Variants in MIER3 observed in about 807,000 individuals in gnomAD.
MIER3 encodes the protein mesoderm induction early response protein 3.
In MIER3, 9 loss-of-function variants were observed where a neutral mutation model predicts 63.2. The observed-to-expected ratio is 0.14, with a 90% confidence interval of 0.09 to 0.25. MIER3 has a LOEUF of 0.25. Ranked by LOEUF, MIER3 falls within the 10% of genes least tolerant of loss-of-function variation. The pLI is 1.00. For synonymous variants in MIER3, 205 were observed against 224.9 expected (o/e 0.91, Z 0.79); for missense variants, 512 against 666.2 (o/e 0.77, Z 2.55).
chr5:56,947,113 C>G (rs771828145), intron 2 of MIER3, 42 bp from the exon 3 acceptor site: 1 of 1,557,360 alleles, frequency 6.4e-7, no homozygotes, highest in South Asian at 1.3e-5. Flanking sequence ...ATTTACAAGG[C>G]TATTAACAAA....
chr5:56,950,177 C>T (rs1750969471), intron 2 of MIER3, among the ~76,000 whole-genome samples: 1 of 152,130 alleles, frequency 6.6e-6, no homozygotes, highest in Non-Finnish European at 1.5e-5. Flanking sequence ...TTTAACACAA[C>T]TCATAGACAT....
chr5:56,920,492 T>C lies in MIER3; in HGVS notation c.*2636A>G, dbSNP rs955464281. ...ATTTATCACAGTTTGTTATAAGAAT[T>C]GTGCTTAACACTTGATAATAAAGGC... On this transcript the variant is annotated 3_prime_UTR_variant, in exon 13 of 13. Coordinates refer to ENST00000381199, the MANE Select transcript of MIER3 (RefSeq NM_001297599.2). 1 of 152,692 alleles carries C rather than the reference T, an allele frequency of 6.5e-6. No individual in the cohort carries two copies. 9.5% of individuals were successfully genotyped at this position (152,692 alleles called of 1,614,324 possible).
intron 8 of MIER3, 84 bp downstream of exon 8, chr5:56,933,163 C>T: frequency 7.4e-7 from 1 of 1,348,668 alleles, no homozygotes; most frequent in East Asian, 2.6e-5. Flanking sequence ...ATCTACCTCA[C>T]ATGTTAAAAA....
chr5:56,941,055 T>C, intron 3 of MIER3: 1 of 985,424 alleles, frequency 1.0e-6, no homozygotes, highest in South Asian at 4.7e-5. Context: ...AGTGCTTGGC[T>C]GAGGGCTACT....
chr5:56,947,790 T>C lies in MIER3; in HGVS notation c.35-719A>G, dbSNP rs986884183. Among the ~76,000 whole-genome samples, 23 of 152,332 alleles carry C rather than the reference T, an allele frequency of 1.5e-4. No homozygotes were observed. The East Asian group carries it at 3.1e-3, about 20-fold the overall frequency. On this transcript the variant is annotated intron_variant, in intron 2 of 12. Coordinates refer to ENST00000381199, the MANE Select transcript of MIER3 (RefSeq NM_001297599.2). ...TCACATCTGAAGGTTTTGGAAGATA[T>C]ATCCATTGCAAGTTGTTTTGGATAA...
chr5:56,944,895 C>T (rs976673121), intron 3 of MIER3, among the ~76,000 whole-genome samples: 2 of 145,042 alleles, frequency 1.4e-5, no homozygotes, highest in African/African-American at 2.6e-5. Flanking sequence ...CAGGGTCTCA[C>T]TATGTGGCCC....
intron 8 of MIER3, among the ~76,000 whole-genome samples, chr5:56,931,641 A>G (rs920933588): frequency 4.6e-5 from 7 of 152,222 alleles, no homozygotes; most frequent in African/African-American, 1.7e-4. Context: ...AGTAGAACCA[A>G]GGATCAGTAT....
At chr5:56,947,353 G>A (rs536701989) in intron 2 of MIER3, among the ~76,000 whole-genome samples, 20 of 152,170 alleles carry the variant, frequency 1.3e-4, no homozygotes, top group African/African-American at 4.8e-4. Flanking sequence ...TAAGCAGCAT[G>A]GTTTTAAAGA....
chr5:56,924,885 T>C (rs1022092523), intron 10 of MIER3, among the ~76,000 whole-genome samples: 1 of 152,234 alleles, frequency 6.6e-6, no homozygotes, highest in African/African-American at 2.4e-5. Context: ...AGATTACTAA[T>C]ATGGGAATAA....
intron 9 of MIER3, 44 bp from the exon 10 acceptor site, chr5:56,928,905 C>A: frequency 7.1e-7 from 1 of 1,403,982 alleles, no homozygotes; most frequent in East Asian, 2.3e-5. Flanking sequence ...CCCAAATTTT[C>A]TTATGTGAAT....
At chr5:56,945,906 T>C (rs879897863) in intron 3 of MIER3, among the ~76,000 whole-genome samples, 1 of 152,344 alleles carries the variant, frequency 6.6e-6, no homozygotes, top group Middle Eastern at 3.4e-3. Context: ...TTCTAAAAGC[T>C]TGATCCTTAC....
chr5:56,943,379 A>G (rs1314544068), intron 3 of MIER3, among the ~76,000 whole-genome samples: 1 of 152,108 alleles, frequency 6.6e-6, no homozygotes, highest in East Asian at 1.9e-4. Flanking sequence ...CAGGAGGGAT[A>G]GAATCTAGAG....
chr5:56,926,518 C>A (rs1749989648), intron 10 of MIER3, among the ~76,000 whole-genome samples: 1 of 151,704 alleles, frequency 6.6e-6, no homozygotes, highest in Non-Finnish European at 1.5e-5. Context: ...GAGGGAATTA[C>A]AAATTAAAAC....
Position 56,952,075 on chromosome 5 carries a change from G to T in MIER3, c.9+19C>A. ...CGCCCGCTCCAGCCCGGCTGCTCCTGCCCGGTTTCCCTGCTCACCTCCGCC... is the reference window on the plus strand; with the variant it reads ...CGCCCGCTCCAGCCCGGCTGCTCCTTCCCGGTTTCCCTGCTCACCTCCGCC... On this transcript the variant is annotated intron_variant, in intron 1 of 12. Transcript: ENST00000381199. 4.6e-6 allele frequency: 6 copies of T among 1,300,630 alleles called. No homozygotes were observed. The highest frequency in any genetic ancestry group is 6.0e-6 in the Non-Finnish European group (6 of 1,006,708). The allele number at this position is 1,300,630 out of a possible 1,614,324, so 80.6% of individuals were successfully genotyped here.
chr5:56,936,051 C>T (rs1203756936), intron 5 of MIER3, among the ~76,000 whole-genome samples: 1 of 151,952 alleles, frequency 6.6e-6, no homozygotes, highest in Admixed American at 6.6e-5. Flanking sequence ...ACAGGCTCTA[C>T]TAAAAATACA....
At chr5:56,950,735 G>A (rs1750993716) in intron 1 of MIER3, 83 bp from the exon 2 acceptor site, 6 of 1,502,896 alleles carry the variant, frequency 4.0e-6, no homozygotes, top group East Asian at 2.3e-5. Context: ...CAGAGGAGGC[G>A]GAGTCGAGCG....
At chr5:56,924,096 G>T in intron 10 of MIER3, 54 bp from the exon 11 acceptor site, 6 of 1,576,020 alleles carry the variant, frequency 3.8e-6, no homozygotes, top group Non-Finnish European at 5.2e-6. Flanking sequence ...ATTTTTTTAA[G>T]CAACTTTTCT....
intron 9 of MIER3, chr5:56,929,170 A>G (rs1311160991): frequency 4.9e-6 from 1 of 204,108 alleles, no homozygotes; most frequent in African/African-American, 2.3e-5. Flanking sequence ...TGTTTTTCTG[A>G]TTAAAAAAAA....
chr5:56,948,640 G>A (rs1055851591), intron 2 of MIER3, among the ~76,000 whole-genome samples: 6 of 152,202 alleles, frequency 3.9e-5, no homozygotes, highest in Non-Finnish European at 5.9e-5. Context: ...CTGCACTCCA[G>A]CCTGAGCAAT....
Sources: gnomAD v4.1 joint callset for allele counts (sites outside exome capture counted in the v4.1 genomes callset) on GRCh38, gnomAD v4.1.1 for gene constraint, MANE v1.5 for transcripts, NCBI Gene and HGNC (gene_info 2026-07-23, HGNC 2026-07-21) for gene names.